Variants in STRADA observed in about 807,000 individuals in gnomAD.
STRADA encodes the protein STE20-related kinase adapter protein alpha.
A neutral mutation model predicts 55.0 loss-of-function variants in STRADA; 26 were observed. That is an observed-to-expected ratio of 0.47 (90% confidence interval 0.35 to 0.66). The LOEUF (loss-of-function observed/expected upper bound fraction) is 0.66, where lower values mean the gene tolerates loss of function less well. Ranked by LOEUF, STRADA falls within the 30% of genes least tolerant of loss-of-function variation. The probability of loss-of-function intolerance (pLI) is 0.01; values close to 1 mark genes in which losing one functional copy is unlikely to be tolerated. For missense variants in STRADA, 443 were observed against 549.7 expected (o/e 0.81, Z 1.94); for synonymous variants, 197 against 210.9 (o/e 0.93, Z 0.57).
At chr17:63,715,487 CTT>C (rs1291325958) in intron 4 of STRADA, 2 of 152,272 alleles carry the variant, frequency 1.3e-5, no homozygotes, top group South Asian at 2.1e-4. Context: ...TGGGTTATCT[CTT>C]TGTCGCTCAG....
chr17:63,714,272 AG>A lies in STRADA; in HGVS notation c.124-165del, dbSNP rs923028077. The A allele has an allele frequency of 1.8e-5, 11 of 626,808 alleles. No homozygotes were observed. In the African/African-American group the frequency reaches 1.8e-4, roughly 10 times the overall value. 38.8% of individuals were successfully genotyped at this position (626,808 alleles called of 1,614,324 possible). ...TGAAGAGAAACAAAACACTACATTCAGGGTAGTAATCAGCACTAATATCAGA... is the reference window on the plus strand; with the variant it reads ...TGAAGAGAAACAAAACACTACATTCAGGTAGTAATCAGCACTAATATCAGA... On this transcript the variant is annotated intron_variant, in intron 4 of 12. Transcript: ENST00000336174.
At chr17:63,710,258 CA>C (rs2036407815) in intron 8 of STRADA, 1 of 506,524 alleles carries the variant, frequency 2.0e-6, no homozygotes, top group African/African-American at 2.0e-5. Flanking sequence ...AGGCTGGTCT[CA>C]AACTCCTGAC....
At chr17:63,727,736 T>A (rs956543345) in intron 2 of STRADA, 6 of 152,188 alleles carry the variant, frequency 3.9e-5, no homozygotes, top group Admixed American at 6.5e-5. Flanking sequence ...TAATATCTCA[T>A]AGCACTTATA....
At chr17:63,740,139 T>TACAC (rs2038810723) in intron 1 of STRADA, among the ~76,000 whole-genome samples, 1 of 40,862 alleles carries the variant, frequency 2.4e-5, no homozygotes, top group African/African-American at 1.4e-4. Context: ...CACATACATA[T>TACAC]ATATATATAC....
In STRADA at chr17:63,714,128, A is replaced by G. The variant is rs369226509; in HGVS notation, c.124-20T>C. ...ATTGGTCTAAAAAAGAAAAAGAAAA[A>G]TAGGTTAGTAGAGAAAACTGGGGGT... On this transcript the variant is annotated intron_variant, in intron 4 of 12. Coordinates refer to ENST00000336174, the MANE Select transcript of STRADA (RefSeq NM_001003787.4). 18 of 1,584,476 alleles carry G rather than the reference A, an allele frequency of 1.1e-5. No homozygotes were observed. Among genetic ancestry groups the G allele is most frequent in the Non-Finnish European group, 1.4e-5 (16 of 1,157,414 alleles).
intron 1 of STRADA, among the ~76,000 whole-genome samples, chr17:63,730,843 G>A (rs996061092): frequency 2.0e-5 from 3 of 152,024 alleles, no homozygotes; most frequent in Non-Finnish European, 2.9e-5. Context: ...TTACAGGTGC[G>A]AGCCACTGCG....
intron 11 of STRADA, 27 bp downstream of exon 11, chr17:63,704,314 A>AGCCCAG (rs1408583512): frequency 6.2e-7 from 1 of 1,610,402 alleles, no homozygotes; most frequent in African/African-American, 1.3e-5. Context: ...GCTCTCCCGA[A>AGCCCAG]GCCCAGGCCC....
chr17:63,723,971 C>T (rs1279396666), intron 3 of STRADA: 2 of 152,122 alleles, frequency 1.3e-5, no homozygotes, highest in African/African-American at 4.8e-5. Flanking sequence ...TTGACCTTCT[C>T]TATTCTGTAA....
Position 63,714,082 on chromosome 17 carries a change from T to C in STRADA, c.150A>G (p.Ile50Met). ...RKTNDASSES[I>M]ASFSKQEVMS... Reference sequence around the variant, plus strand: ...TGACCTCCTGTTTAGAGAAGGATGCTATTGACTCTGAGCTCGCATCATTGG... The same window carrying C: ...TGACCTCCTGTTTAGAGAAGGATGCCATTGACTCTGAGCTCGCATCATTGG... Residue 50 changes from isoleucine (I) to methionine (M), a missense_variant, in exon 5 of 13, where the codon ATA (isoleucine) becomes ATG (methionine). Ile to Met is a conservative substitution (Grantham distance 10, BLOSUM62 1). Coordinates refer to ENST00000336174, the MANE Select transcript of STRADA (RefSeq NM_001003787.4). 6.2e-7 allele frequency: 1 copy of C among 1,613,878 alleles called. No homozygotes were observed. The highest frequency in any genetic ancestry group is 8.5e-7 in the Non-Finnish European group (1 of 1,179,864).
intron 1 of STRADA, among the ~76,000 whole-genome samples, chr17:63,739,745 T>G (rs1293373643): frequency 2.5e-5 from 3 of 118,016 alleles, no homozygotes; most frequent in Non-Finnish European, 5.0e-5. Flanking sequence ...GTATACATAT[T>G]GATACATTAT....
At chr17:63,726,977 A>G in intron 2 of STRADA, 1 of 433,418 alleles carries the variant, frequency 2.3e-6, no homozygotes, top group Non-Finnish European at 4.1e-6. Flanking sequence ...CCTTCCCTAT[A>G]TTGGTTCCAT....
chr17:63,716,567 C>T (rs1598198264), intron 4 of STRADA, among the ~76,000 whole-genome samples: 1 of 152,104 alleles, frequency 6.6e-6, no homozygotes, highest in East Asian at 1.9e-4. Context: ...AATGCCTCTT[C>T]CTGTCTCTTG....
chr17:63,713,912 T>C, intron 5 of STRADA, 94 bp downstream of exon 5: 1 of 969,340 alleles, frequency 1.0e-6, no homozygotes, highest in South Asian at 1.4e-5. Flanking sequence ...AACTAGTGGA[T>C]GGCCTCTGCT....
At chr17:63,714,501 T>C (rs1405123370) in intron 4 of STRADA, 6 of 290,504 alleles carry the variant, frequency 2.1e-5, no homozygotes, top group Non-Finnish European at 2.7e-5. Flanking sequence ...TCCTGATGCA[T>C]TAGGATCCTA....
intron 4 of STRADA, among the ~76,000 whole-genome samples, chr17:63,716,889 C>T (rs1309845393): frequency 1.3e-5 from 2 of 152,090 alleles, no homozygotes; most frequent in Non-Finnish European, 2.9e-5. Context: ...TGCTACAATG[C>T]AAAGAGCATA....
rs546411732 is a variant in STRADA, at chr17:63,714,240, C to A, written c.124-132G>T. 3.0e-4 allele frequency: 203 copies of A among 681,544 alleles called. No homozygotes were observed. In the African/African-American group the frequency reaches 3.3e-3, roughly 11 times the overall value. 42.2% of individuals were successfully genotyped at this position (681,544 alleles called of 1,614,324 possible). Reference sequence around the variant, plus strand: ...CACACAAATCCCGACTCAGTGCCAGCACTATTTGAAGAGAAACAAAACACT... The same window carrying A: ...CACACAAATCCCGACTCAGTGCCAGAACTATTTGAAGAGAAACAAAACACT... On this transcript the variant is annotated intron_variant, in intron 4 of 12. Coordinates refer to ENST00000336174, the MANE Select transcript of STRADA (RefSeq NM_001003787.4).
intron 3 of STRADA, among the ~76,000 whole-genome samples, chr17:63,724,318 T>G (rs1193902057): frequency 6.6e-6 from 1 of 151,856 alleles, no homozygotes; most frequent in Non-Finnish European, 1.5e-5. Context: ...AATTTTTATG[T>G]TTTTAGTAGA....
intron 12 of STRADA, 46 bp downstream of exon 12, chr17:63,703,959 T>TAGAACCAGAACTAGAACC: frequency 6.3e-7 from 1 of 1,575,654 alleles, no homozygotes; most frequent in South Asian, 1.1e-5. Flanking sequence ...TGTGAGTTGT[T>TAGAACCAGAACTAGAACC]AGAACCAGAA....
chr17:63,737,359 C>T (rs186215025), intron 1 of STRADA: 1 of 149,962 alleles, frequency 6.7e-6, no homozygotes, highest in African/African-American at 2.5e-5. Flanking sequence ...GACCGCAGTG[C>T]AGAATAACAC....
Sources: gnomAD v4.1 joint callset for allele counts (sites outside exome capture counted in the v4.1 genomes callset) on GRCh38, gnomAD v4.1.1 for gene constraint, MANE v1.5 for transcripts, NCBI Gene and HGNC (gene_info 2026-07-23, HGNC 2026-07-21) for gene names.